RRP12: variants seen among roughly 807,000 people sequenced by gnomAD.
RRP12 encodes the protein ribosomal RNA processing 12 homolog, also known as RRP12-like protein.
RRP12 carries 78 observed loss-of-function variants against 157.3 expected under a neutral mutation model. The ratio of observed to expected loss-of-function variants is 0.50; its 90% CI spans 0.41 to 0.60. The LOEUF (loss-of-function observed/expected upper bound fraction) is 0.60. Ranked by LOEUF, RRP12 falls within the 20% of genes least tolerant of loss-of-function variation. The pLI is 0.00. For missense variants in RRP12, 1,521 were observed against 1,679.9 expected (o/e 0.91, Z 1.65); for synonymous variants, 726 against 670.9 (o/e 1.08, Z -1.27).
intron 2 of RRP12, among the ~76,000 whole-genome samples, 168 bp downstream of exon 2, chr10:97,400,137 A>C (rs1845097985): frequency 6.6e-6 from 1 of 152,202 alleles, no homozygotes; most frequent in South Asian, 2.1e-4. Flanking sequence ...TCTTATAAAA[A>C]GCAGAAAGTA....
chr10:97,364,535 G>A (rs1843922847), intron 29 of RRP12, among the ~76,000 whole-genome samples: 1 of 152,184 alleles, frequency 6.6e-6, no homozygotes, highest in African/African-American at 2.4e-5. Context: ...TCTGCAACAT[G>A]GCAAAACCCC....
intron 15 of RRP12, among the ~76,000 whole-genome samples, chr10:97,374,129 TTACTTTTTTA>T (rs1353074992): frequency 2.0e-5 from 3 of 152,232 alleles, no homozygotes; most frequent in Non-Finnish European, 2.9e-5. Flanking sequence ...CTGTTTCTTG[TTACTTTTTTA>T]TACTTCTTTA....
rs369212773 is a variant in RRP12, at chr10:97,388,583, C to A, written c.795G>T (p.Lys265Asn). The change falls in exon 7 of 34, where the codon AAG (lysine) becomes AAT (asparagine). Residue 265 changes from lysine to asparagine, a missense_variant. Transcript: ENST00000370992. ...CCTTTTCAAACATGAATTCACTGCC[C>A]TTGAGGACTGAGCATACTCCATGCT... Reference protein sequence around the residue: ...AAQHGVCSVLKGSEFMFEKAP... With the variant: ...AAQHGVCSVLNGSEFMFEKAP... 21 of 1,614,080 alleles carry A rather than the reference C, an allele frequency of 1.3e-5. No individual in the cohort carries two copies. The East Asian group carries it at 1.3e-4, about 10-fold the overall frequency.
intron 4 of RRP12, among the ~76,000 whole-genome samples, chr10:97,392,127 C>T (rs886343024): frequency 1.3e-5 from 2 of 151,844 alleles, no homozygotes; most frequent in South Asian, 4.1e-4. Context: ...CATGCCACCA[C>T]GCCTAGCTCA....
intron 33 of RRP12, 86 bp downstream of exon 33, chr10:97,358,451 A>C: frequency 1.0e-6 from 1 of 976,252 alleles, no homozygotes; most frequent in Non-Finnish European, 1.6e-6. Flanking sequence ...CTGAGAGTTT[A>C]ATAAGGCCTT....
At chr10:97,365,097 A>G (rs921690457) in intron 29 of RRP12, among the ~76,000 whole-genome samples, 2 of 152,084 alleles carry the variant, frequency 1.3e-5, no homozygotes, top group African/African-American at 4.8e-5. Context: ...ACTCTGAAGC[A>G]AGGAAACGGA....
chr10:97,384,580 A>G (rs1254080871), intron 10 of RRP12, among the ~76,000 whole-genome samples: 5 of 107,116 alleles, frequency 4.7e-5, no homozygotes, highest in Middle Eastern at 0.011. Flanking sequence ...CTGGACGGAG[A>G]CCCTGAGGAC....
chr10:97,380,510 AAAGAT>A lies in RRP12; in HGVS notation c.1533+284_1533+288del, dbSNP rs1469102947. On this transcript the variant is annotated intron_variant, in intron 13 of 33. Transcript: ENST00000370992. ...AGGAAACTTAGATAATTAAAATTTA[AAAGAT>A]AAGGGGTGGGGATAAGGGAAAGCAA... Among the ~76,000 whole-genome samples, 6 of 152,216 alleles carry A rather than the reference AAAGAT, an allele frequency of 3.9e-5. 1 individual carries two copies. In the South Asian group the frequency reaches 6.2e-4, roughly 16 times the overall value.
Position 97,385,173 on chromosome 10 carries a change from G to A in RRP12, c.1201C>T (p.Leu401=), listed in dbSNP as rs745890829. The A allele has an allele frequency of 3.1e-6, 5 of 1,612,914 alleles. No individual in the cohort carries two copies. Among genetic ancestry groups the A allele is most frequent in the Non-Finnish European group, 4.2e-6 (5 of 1,178,928 alleles). ...CCCCTCCTTCATCCGTACCTCACCA[G>A]GTTGATGTGGGCTTTCTCCATGACC... is the stretch of plus-strand genomic sequence containing the variant. The part of the protein sequence containing the change: ...LKVMEKAHIN[L]VRLQWDLGLG... Residue 401 remains leucine (L), a synonymous_variant, in exon 10 of 34, where the codon CTG becomes TTG. Coordinates refer to ENST00000370992, the MANE Select transcript of RRP12 (RefSeq NM_015179.4).
Position 97,370,151 on chromosome 10 carries a change from G to A in RRP12, c.2797+16C>T. 2 of 1,549,292 alleles carry A rather than the reference G, an allele frequency of 1.3e-6. No individual in the cohort carries two copies. Among genetic ancestry groups the A allele is most frequent in the Non-Finnish European group, 1.8e-6 (2 of 1,134,792 alleles). On this transcript the variant is annotated intron_variant, in intron 24 of 33. Transcript: ENST00000370992. The stretch of plus-strand genomic sequence containing the variant: ...ATCTGAGGGCTTCTCAGGCCTTCTA[G>A]GAAATAAGCATTTACCTTTAAACTC...
chr10:97,373,496 A>C, intron 17 of RRP12, 79 bp downstream of exon 17: 2 of 1,423,570 alleles, frequency 1.4e-6, no homozygotes, highest in Middle Eastern at 2.6e-4. Flanking sequence ...CTGCCTGGCA[A>C]GGAGTGTAGC....
At chr10:97,358,289 C>T (rs1348846443) in intron 33 of RRP12, among the ~76,000 whole-genome samples, 2 of 151,950 alleles carry the variant, frequency 1.3e-5, no homozygotes, top group Admixed American at 6.6e-5. Context: ...GCCAAGATCG[C>T]ACCACTGCAC....
chr10:97,399,510 T>C (rs1845076933), intron 2 of RRP12, among the ~76,000 whole-genome samples: 1 of 151,918 alleles, frequency 6.6e-6, no homozygotes, highest in Non-Finnish European at 1.5e-5. Context: ...AATTTTGACA[T>C]TTTTTATTTC....
At position 97,385,938 on chromosome 10, in the gene RRP12, C is replaced by A; in HGVS notation, c.1073G>T (p.Gly358Val). The A allele has an allele frequency of 6.2e-7, 1 of 1,607,228 alleles. No individual in the cohort carries two copies. The highest frequency in any genetic ancestry group is 1.7e-5 in the Admixed American group (1 of 59,106). ...AFHSLFHARP[G>V]LSTLSAELNA... The stretch of plus-strand genomic sequence containing the variant: ...GAGCTCTGCTGACAGGGTGCTCAGG[C>A]CAGGCCTGGCGTGGAAGAGGCTGTG... The change falls in exon 9 of 34, where the codon GGC becomes GTC. Residue 358 changes from glycine to valine, a missense_variant. Transcript: ENST00000370992.
Position 97,370,574 on chromosome 10 carries a change from C to T in RRP12, c.2584-14G>A, listed in dbSNP as rs1844118699. Reference sequence around the variant, plus strand: ...GCACAGGATCACCTGGCCAAGACAACTCCATCAGCATCTGCTCCCTGAGCC... The same window carrying T: ...GCACAGGATCACCTGGCCAAGACAATTCCATCAGCATCTGCTCCCTGAGCC... On this transcript the variant is annotated splice_polypyrimidine_tract_variant and intron_variant, in intron 22 of 33. Coordinates refer to ENST00000370992, the MANE Select transcript of RRP12 (RefSeq NM_015179.4). The T allele has an allele frequency of 5.0e-6, 8 of 1,607,322 alleles. No homozygotes were observed. The highest frequency in any genetic ancestry group is 6.8e-6 in the Non-Finnish European group (8 of 1,175,740).
At position 97,373,640 on chromosome 10, in the gene RRP12, C is replaced by G. The variant is rs751363250; in HGVS notation, c.1961G>C (p.Arg654Pro). ...ARTLGMAISE[R>P]PDLRVTVCQA... ...GCACACGGTGACCCTCAGGTCTGGA[C>G]GCTCGCTGATGGCCATGCCCAGCGT... Residue 654 changes from arginine (R) to proline (P), a missense_variant, in exon 17 of 34, where the codon CGT becomes CCT. Coordinates refer to ENST00000370992, the MANE Select transcript of RRP12 (RefSeq NM_015179.4). 6.2e-7 allele frequency: 1 copy of G among 1,613,652 alleles called. No homozygotes were observed. The highest frequency in any genetic ancestry group is 8.5e-7 in the Non-Finnish European group (1 of 1,179,886).
At chr10:97,366,421 G>T (rs771614203) in intron 28 of RRP12, 25 bp downstream of exon 28, 50 of 1,582,142 alleles carry the variant, frequency 3.2e-5, no homozygotes, top group Non-Finnish European at 4.0e-5. Context: ...TGTTTTCTGA[G>T]TGCACTGGCC....
intron 15 of RRP12, among the ~76,000 whole-genome samples, chr10:97,374,865 T>C (rs1363126661): frequency 6.6e-6 from 1 of 152,098 alleles, no homozygotes; most frequent in Non-Finnish European, 1.5e-5. Context: ...TAACATTTAC[T>C]GAGCAAGTAC....
chr10:97,376,028 G>A (rs891122628), intron 15 of RRP12, among the ~76,000 whole-genome samples: 1 of 151,930 alleles, frequency 6.6e-6, no homozygotes, highest in Non-Finnish European at 1.5e-5. Flanking sequence ...TTGAAAACCT[G>A]GGAGGTGGAG....
Sources: gnomAD v4.1 joint callset for allele counts (sites outside exome capture counted in the v4.1 genomes callset) on GRCh38, gnomAD v4.1.1 for gene constraint, MANE v1.5 for transcripts, NCBI Gene and HGNC (gene_info 2026-07-23, HGNC 2026-07-21) for gene names.